PRKAG2: variants seen among roughly 807,000 people sequenced by gnomAD.
PRKAG2 encodes the protein 5'-AMP-activated protein kinase subunit gamma-2.
A neutral mutation model predicts 69.6 loss-of-function variants in PRKAG2; 26 were observed. That is an observed-to-expected ratio of 0.37 (90% CI 0.27 to 0.52). PRKAG2 has a LOEUF of 0.52. Ranked by LOEUF, PRKAG2 falls within the 20% of genes least tolerant of loss-of-function variation. The pLI is 0.90. For synonymous variants in PRKAG2, 293 were observed against 285.0 expected, an observed-to-expected ratio of 1.03 and a Z score of -0.28; for missense variants, 557 against 740.0, an observed-to-expected ratio of 0.75 and a Z score of 2.87.
At chr7:151,721,744 G>A (rs1797153809) in intron 3 of PRKAG2, among the ~76,000 whole-genome samples, 1 of 152,140 alleles carries the variant, frequency 6.6e-6, no homozygotes, top group African/African-American at 2.4e-5. Flanking sequence ...CACAGTGTCA[G>A]GCCAACGTCC....
intron 1 of PRKAG2, among the ~76,000 whole-genome samples, chr7:151,793,549 C>T (rs1007294084): frequency 3.3e-5 from 5 of 152,244 alleles, no homozygotes; most frequent in Non-Finnish European, 7.3e-5. Flanking sequence ...CCGAGGCCCG[C>T]GGTTCCCACC....
Position 151,638,833 on chromosome 7 carries a change from T to C in PRKAG2, c.685-6695A>G, listed in dbSNP as rs1307992749. Among the ~76,000 whole-genome samples the C allele has an allele frequency of 6.6e-6, 1 of 152,136 alleles. No individual in the cohort carries two copies. The highest frequency in any genetic ancestry group is 1.5e-5 in the Non-Finnish European group (1 of 68,026). On this transcript the variant is annotated intron_variant, in intron 4 of 15. Coordinates refer to ENST00000287878, the MANE Select transcript of PRKAG2 (RefSeq NM_016203.4). This position sits in a 1 kb window ranked among gnomAD's most constrained non-coding sequence, Gnocchi z 4.3. Reference sequence around the variant, plus strand: ...CCTCTTAAAAGAAGTCTTAAATAGCTCCTGCAAGAAATAAATCAACCTCAA... The same window carrying C: ...CCTCTTAAAAGAAGTCTTAAATAGCCCCTGCAAGAAATAAATCAACCTCAA...
chr7:151,710,839 G>C (rs1469652593), intron 3 of PRKAG2, among the ~76,000 whole-genome samples: 1 of 152,208 alleles, frequency 6.6e-6, no homozygotes, highest in African/African-American at 2.4e-5. Context: ...TGTCAGCAGA[G>C]TCTAGAATAT....
intron 1 of PRKAG2, among the ~76,000 whole-genome samples, chr7:151,865,186 CCT>C (rs2080031885): frequency 6.6e-6 from 1 of 152,192 alleles, no homozygotes; most frequent in Non-Finnish European, 1.5e-5. Context: ...CTGAGGAGCC[CCT>C]GAGCTTCAGG....
chr7:151,746,932 G>A (rs964055164), intron 3 of PRKAG2, among the ~76,000 whole-genome samples: 1 of 152,234 alleles, frequency 6.6e-6, no homozygotes, highest in African/African-American at 2.4e-5. Context: ...AGCATTTCAC[G>A]TCCTGAATGA....
At position 151,807,750 on chromosome 7, in the gene PRKAG2, C is replaced by T. The variant is rs150747499; in HGVS notation, c.115-21209G>A. On this transcript the variant is annotated intron_variant, in intron 1 of 15. Transcript: ENST00000287878. This position sits in a 1 kb window ranked among gnomAD's most constrained non-coding sequence, Gnocchi z 4.4. ...TCAGAGGAAGCCAGGAGCGAGAACT[C>T]GTGCATCCGAACCCTTCTCTGACTT... The T allele has an allele frequency of 8.1e-3, 3,089 of 382,266 alleles. 22 individuals carry two copies. The highest frequency in any genetic ancestry group is 0.013 in the Non-Finnish European group (2,546 of 189,328). 23.7% of individuals were successfully genotyped at this position (382,266 alleles called of 1,614,324 possible).
At chr7:151,794,493 G>A (rs951839383) in intron 1 of PRKAG2, among the ~76,000 whole-genome samples, 3 of 152,246 alleles carry the variant, frequency 2.0e-5, no homozygotes, top group Non-Finnish European at 4.4e-5. Context: ...CCCGCGGTGT[G>A]AGCCCCCGTG....
chr7:151,631,481 CAAG>C (rs763624476), intron 5 of PRKAG2, among the ~76,000 whole-genome samples: 32 of 151,968 alleles, frequency 2.1e-4, no homozygotes, highest in Non-Finnish European at 2.9e-4. Flanking sequence ...CTGTAAGATA[CAAG>C]AAGAAGACAG....
In PRKAG2 at chr7:151,614,683, C is replaced by T. The variant is rs1051348802; in HGVS notation, c.754+17386G>A. Among the ~76,000 whole-genome samples the T allele has an allele frequency of 6.6e-6, 1 of 152,188 alleles. No individual in the cohort carries two copies. Among genetic ancestry groups the T allele is most frequent in the African/African-American group, 2.4e-5 (1 of 41,454 alleles). ...AACAGCTCGCAGTGATGATCTGTGG[C>T]CCTAAGCCCACTTTGCCAGGACCGC... is the stretch of plus-strand genomic sequence containing the variant. On this transcript the variant is annotated intron_variant, in intron 5 of 15. Coordinates refer to ENST00000287878, the MANE Select transcript of PRKAG2 (RefSeq NM_016203.4). The surrounding 1 kb of genome is among the most constrained non-coding windows in gnomAD (Gnocchi z 4.4).
chr7:151,740,521 T>C (rs920046584), intron 3 of PRKAG2, among the ~76,000 whole-genome samples: 2 of 152,198 alleles, frequency 1.3e-5, no homozygotes, highest in African/African-American at 4.8e-5. Context: ...ATCCAAAAAG[T>C]TCAGTGTGCC....
intron 1 of PRKAG2, among the ~76,000 whole-genome samples, chr7:151,846,503 A>G (rs1417342791): frequency 1.3e-5 from 2 of 152,292 alleles, no homozygotes; most frequent in African/African-American, 2.4e-5. Flanking sequence ...AAGCTTAAAA[A>G]TTGCACTTGG....
At chr7:151,860,359 C>T (rs981667476) in intron 1 of PRKAG2, among the ~76,000 whole-genome samples, 8 of 152,218 alleles carry the variant, frequency 5.3e-5, no homozygotes, top group African/African-American at 9.6e-5. Context: ...ATACCACACA[C>T]GGCCACCTGC....
intron 8 of PRKAG2, among the ~76,000 whole-genome samples, chr7:151,574,123 A>G (rs1350471594): frequency 7.2e-5 from 11 of 152,168 alleles, no homozygotes; most frequent in South Asian, 4.1e-4. Context: ...TTGATGTAAG[A>G]ATTATTGGAT....
intron 3 of PRKAG2, among the ~76,000 whole-genome samples, chr7:151,753,427 A>G (rs61612573): frequency 0.049 from 7,428 of 152,266 alleles, 242 homozygotes; most frequent in African/African-American, 0.089. Flanking sequence ...TTCAGAATTC[A>G]TATAAACACA....
chr7:151,764,838 C>T (rs2075645136), intron 3 of PRKAG2, among the ~76,000 whole-genome samples: 1 of 152,234 alleles, frequency 6.6e-6, no homozygotes, highest in Middle Eastern at 3.2e-3. Context: ...GGGACTCCTT[C>T]CCCATCTGTG....
chr7:151,786,886 A>C (rs1220069716), intron 1 of PRKAG2, among the ~76,000 whole-genome samples: 1 of 152,126 alleles, frequency 6.6e-6, no homozygotes, highest in African/African-American at 2.4e-5. Flanking sequence ...GATGGACATG[A>C]TTTTACCCCA....
chr7:151,678,969 A>G lies in PRKAG2; in HGVS notation c.467-3332T>C, dbSNP rs531370872. Among the ~76,000 whole-genome samples the G allele has an allele frequency of 3.1e-4, 47 of 152,220 alleles. No individual in the cohort carries two copies. The South Asian group carries it at 7.1e-3, about 23-fold the overall frequency. ...ACAGAGTGAGACTCTGTCTCAAAAA[A>G]AAAGAAAAAAAAGAAAAGTAGAATA... On this transcript the variant is annotated intron_variant, in intron 3 of 15. Coordinates refer to ENST00000287878, the MANE Select transcript of PRKAG2 (RefSeq NM_016203.4).
chr7:151,656,701 T>C (rs570869639), intron 4 of PRKAG2, among the ~76,000 whole-genome samples: 21 of 152,246 alleles, frequency 1.4e-4, no homozygotes, highest in Non-Finnish European at 2.8e-4. Context: ...TTAGGTAGCA[T>C]GTGTAAATAA....
At chr7:151,717,500 A>G (rs549349871) in intron 3 of PRKAG2, among the ~76,000 whole-genome samples, 1 of 152,194 alleles carries the variant, frequency 6.6e-6, no homozygotes, top group Non-Finnish European at 1.5e-5. Context: ...GAATGGCAGA[A>G]GGGTGGTGTC....
Sources: gnomAD v4.1 joint callset for allele counts (sites outside exome capture counted in the v4.1 genomes callset) on GRCh38, gnomAD v4.1.1 for gene constraint, Gnocchi (gnomAD v3.1) non-coding constraint, MANE v1.5 for transcripts, NCBI Gene and HGNC (gene_info 2026-07-23, HGNC 2026-07-21) for gene names.